The following ARHGEF6 variants were observed in gnomAD, a reference collection of about 807,000 sequenced individuals.
ARHGEF6 encodes rho guanine nucleotide exchange factor 6.
Under a neutral mutation model 70.3 loss-of-function variants are expected in ARHGEF6, and 9 were observed. The observed-to-expected ratio is 0.13, with a 90% CI of 0.08 to 0.22. The LOEUF is 0.22. ARHGEF6 is among the 10% of genes least tolerant of loss of function. The pLI, the probability that ARHGEF6 is intolerant of heterozygous loss-of-function variation, is 1.00. For synonymous variants in ARHGEF6, 201 were observed against 207.8 expected (o/e 0.97, Z 0.28); for missense variants, 470 against 563.0 (o/e 0.83, Z 1.67).
intron 6 of ARHGEF6, among the ~76,000 whole-genome samples, chrX:136,718,166 G>A (rs1363166297): frequency 9.0e-6 from 1 of 111,386 alleles, no homozygotes; most frequent in Non-Finnish European, 1.9e-5. Context: ...GTAAAGGGAT[G>A]AAAAAGGAGA....
At chrX:136,694,606 AC>A (rs760386905) in intron 9 of ARHGEF6, among the ~76,000 whole-genome samples, 35 of 111,723 alleles carry the variant, frequency 3.1e-4, no homozygotes, top group African/African-American at 1.1e-3. Flanking sequence ...CTGTCTTAGC[AC>A]CAACTCCTCT....
chrX:136,745,029 G>C (rs6635318), intron 4 of ARHGEF6, among the ~76,000 whole-genome samples, 194 bp downstream of exon 4: 2 of 111,647 alleles, frequency 1.8e-5, no homozygotes, highest in Non-Finnish European at 1.9e-5. Flanking sequence ...CTTCAATCCG[G>C]ATTTTTGCCC....
chrX:136,778,445 T>C (rs781375788), intron 2 of ARHGEF6, among the ~76,000 whole-genome samples: 1 of 111,716 alleles, frequency 9.0e-6, no homozygotes, highest in Non-Finnish European at 1.9e-5. Context: ...TCTTACAAGG[T>C]TGGAGCTCTT....
intron 9 of ARHGEF6, among the ~76,000 whole-genome samples, chrX:136,697,092 C>T: frequency 9.0e-6 from 1 of 111,125 alleles, no homozygotes; most frequent in Non-Finnish European, 1.9e-5. Context: ...GAAGAGGCAA[C>T]CAGAGGGTAC....
intron 2 of ARHGEF6, among the ~76,000 whole-genome samples, chrX:136,769,150 G>T (rs1039650976): frequency 1.8e-5 from 2 of 111,964 alleles, no homozygotes; most frequent in East Asian, 5.6e-4. Flanking sequence ...GGTGGCTCCT[G>T]CCTATAATCC....
chrX:136,693,615 T>C (rs1215903600), intron 9 of ARHGEF6, among the ~76,000 whole-genome samples: 1 of 112,192 alleles, frequency 8.9e-6, no homozygotes, highest in African/African-American at 3.2e-5. Context: ...AGTGTATAAA[T>C]GCTGTTTAAA....
chrX:136,764,322 C>T (rs188315571), intron 2 of ARHGEF6, among the ~76,000 whole-genome samples: 141 of 111,761 alleles, frequency 1.3e-3, no homozygotes, highest in African/African-American at 4.6e-3. Context: ...GAGACACTCA[C>T]GAGGATCTTC....
rs1010869049 is a variant in ARHGEF6 at position 136,769,112 on chromosome X, A to T, written c.249+10302T>A. On this transcript the variant is annotated intron_variant, in intron 2 of 21. Transcript: ENST00000250617. The stretch of plus-strand genomic sequence containing the variant: ...AATCCTTCCAGAATAAAATATCTTT[A>T]AAAAAAAATAAACTTGGGGCTGGGT... Among the ~76,000 whole-genome samples the T allele has an allele frequency of 7.8e-4, 86 of 110,861 alleles. 1 individual carries two copies. The highest frequency in any genetic ancestry group is 2.5e-3 in the African/African-American group (75 of 30,503).
Position 136,667,903 on chromosome X carries a change from G to T in ARHGEF6, c.*126C>A. ...AGCGGGGAGAGAAAGAGAAGAGAGA[G>T]GGAGAGAGAGAGAGAGACTCAAACA... On this transcript the variant is annotated 3_prime_UTR_variant, in exon 22 of 22. Transcript: ENST00000250617. 1 of 890,307 alleles carries T rather than the reference G, an allele frequency of 1.1e-6. No individual in the cohort carries two copies. The highest frequency in any genetic ancestry group is 2.0e-5 in the African/African-American group (1 of 51,219). 73.4% of individuals were successfully genotyped at this position (890,307 alleles called of 1,213,427 possible).
At chrX:136,730,646 C>G (rs917647253) in intron 6 of ARHGEF6, among the ~76,000 whole-genome samples, 1 of 111,823 alleles carries the variant, frequency 8.9e-6, no homozygotes, top group African/African-American at 3.3e-5. Context: ...TTTCACCATA[C>G]AGATCTTTAT....
chrX:136,767,399 G>A, intron 2 of ARHGEF6: 1 of 755,304 alleles, frequency 1.3e-6, no homozygotes, highest in Non-Finnish European at 1.6e-6. Flanking sequence ...CTTTGCGCCT[G>A]GACGCGGGCG....
chrX:136,741,316 A>C (rs1350509853), intron 5 of ARHGEF6, among the ~76,000 whole-genome samples: 1 of 111,654 alleles, frequency 9.0e-6, no homozygotes, highest in African/African-American at 3.3e-5. Flanking sequence ...GAAGACCTTT[A>C]TGATGATCTA....
At chrX:136,711,299 T>C (rs2076682062) in intron 7 of ARHGEF6, among the ~76,000 whole-genome samples, 2 of 111,832 alleles carry the variant, frequency 1.8e-5, no homozygotes, top group Admixed American at 1.9e-4. Context: ...CTCCTCTGCC[T>C]GTCACTTCCA....
At chrX:136,680,596 A>T in intron 15 of ARHGEF6, 135 bp downstream of exon 15, 1 of 723,587 alleles carries the variant, frequency 1.4e-6, no homozygotes, top group Non-Finnish European at 2.2e-6. Context: ...AGTGAGGTTT[A>T]ACTGTACTTC....
rs147574171 is a variant in ARHGEF6 at position 136,678,077 on chromosome X, A to G, written c.1831-121T>C. The G allele has an allele frequency of 2.6e-3, 1,642 of 638,413 alleles. 2 individuals are homozygous for G. The highest frequency in any genetic ancestry group is 3.5e-3 in the Non-Finnish European group (1,368 of 386,869). 52.6% of individuals were successfully genotyped at this position (638,413 alleles called of 1,213,427 possible). A position where few individuals can be genotyped will look rare whatever the true frequency, so the allele number is the denominator to read the frequency against. On this transcript the variant is annotated intron_variant, in intron 16 of 21. Transcript: ENST00000250617. ...AAATGTTAGTGTTATCATAAATTAC[A>G]CAGAGGGAATATAATCACATTTCCC...
At chrX:136,771,874 C>A (rs1190429052) in intron 2 of ARHGEF6, among the ~76,000 whole-genome samples, 1 of 111,853 alleles carries the variant, frequency 8.9e-6, no homozygotes, top group African/African-American at 3.2e-5. Context: ...GAAAATTGAG[C>A]TACCATATGA....
intron 6 of ARHGEF6, among the ~76,000 whole-genome samples, chrX:136,730,033 G>A (rs1198987020): frequency 9.1e-6 from 1 of 110,274 alleles, no homozygotes; most frequent in Non-Finnish European, 1.9e-5. Context: ...GGGATTACAT[G>A]TGGTGTTTAT....
chrX:136,679,334 T>C (rs936681435), intron 16 of ARHGEF6, among the ~76,000 whole-genome samples: 1 of 112,084 alleles, frequency 8.9e-6, no homozygotes, highest in Non-Finnish European at 1.9e-5. Context: ...ATAGATCCTG[T>C]AGATATTCAG....
At chrX:136,740,257 C>T (rs2077029576) in intron 5 of ARHGEF6, among the ~76,000 whole-genome samples, 1 of 111,306 alleles carries the variant, frequency 9.0e-6, no homozygotes, top group Non-Finnish European at 1.9e-5. Context: ...GATCCGCCCG[C>T]CTCAGCCTCC....
Sources: gnomAD v4.1 joint callset for allele counts (sites outside exome capture counted in the v4.1 genomes callset) on GRCh38, gnomAD v4.1.1 for gene constraint, MANE v1.5 for transcripts, NCBI Gene and HGNC (gene_info 2026-07-23, HGNC 2026-07-21) for gene names.